Variants in TENM2 observed in about 807,000 individuals in gnomAD.
TENM2 encodes teneurin transmembrane protein 2.
A neutral mutation model predicts 245.2 loss-of-function variants in TENM2; 52 were observed. That is an observed-to-expected ratio of 0.21 (90% CI 0.17 to 0.27). The LOEUF (loss-of-function observed/expected upper bound fraction) is 0.27. TENM2 is among the 10% of genes least tolerant of loss of function. The probability of loss-of-function intolerance (pLI) is 1.00; values close to 1 mark genes in which losing one functional copy is unlikely to be tolerated. For synonymous variants in TENM2, 1,363 were observed against 1,438.9 expected (o/e 0.95, Z 1.19); for missense variants, 3,046 against 3,666.8 (o/e 0.83, Z 4.37).
intron 2 of TENM2, among the ~76,000 whole-genome samples, chr5:167,774,971 T>G (rs910781248): frequency 6.6e-6 from 1 of 152,292 alleles, no homozygotes; most frequent in African/African-American, 2.4e-5. Context: ...GATTTTTTTT[T>G]ATTTTTATTG....
intron 17 of TENM2, among the ~76,000 whole-genome samples, chr5:168,202,160 T>G (rs1359920364): frequency 1.3e-5 from 2 of 152,206 alleles, no homozygotes; most frequent in African/African-American, 4.8e-5. Flanking sequence ...TGTACTTCCT[T>G]CCTCATCTAT....
chr5:168,228,010 C>T, exon 25 of TENM2: 1 of 1,613,832 alleles, frequency 6.2e-7, no homozygotes, highest in Non-Finnish European at 8.5e-7. Flanking sequence ...GCACCATCAC[C>T]CCCACCATTG....
intron 1 of TENM2, among the ~76,000 whole-genome samples, chr5:167,298,975 T>C (rs553480033): frequency 6.6e-6 from 1 of 152,276 alleles, no homozygotes; most frequent in African/African-American, 2.4e-5. Flanking sequence ...GGACTGAGAC[T>C]GGGGCTTAAT....
At position 168,113,851 on chromosome 5, in the gene TENM2, A is replaced by G. The variant is rs114586132; in HGVS notation, c.1814-4441A>G. Among the ~76,000 whole-genome samples the G allele has an allele frequency of 4.8e-3, 734 of 152,316 alleles. 5 individuals carry two copies. Among genetic ancestry groups the G allele is most frequent in the African/African-American group, 0.017 (699 of 41,562 alleles). ...TTAATTAATTTTACATAGAAGCTTG[A>G]ATGCACAATGTTCTGCTCCCGTAAG... On this transcript the variant is annotated intron_variant, in intron 9 of 28. Transcript: ENST00000518659.
At chr5:167,437,649 C>A (rs1189831144) in intron 2 of TENM2, among the ~76,000 whole-genome samples, 1 of 152,156 alleles carries the variant, frequency 6.6e-6, no homozygotes, top group African/African-American at 2.4e-5. Context: ...GTAACTCCCA[C>A]AATTCCCCCA....
intron 2 of TENM2, among the ~76,000 whole-genome samples, chr5:167,844,253 CG>C (rs982022282): frequency 4.2e-4 from 64 of 152,240 alleles, no homozygotes; most frequent in African/African-American, 1.5e-3. Context: ...AGGTCGGCTT[CG>C]ACCTTGATTG....
intron 2 of TENM2, among the ~76,000 whole-genome samples, chr5:167,482,245 T>G (rs1277718574): frequency 2.0e-5 from 3 of 152,196 alleles, no homozygotes; most frequent in Non-Finnish European, 2.9e-5. Flanking sequence ...AATACTTGCA[T>G]ATGTTTGAAA....
At chr5:167,246,220 TAAG>T in the TENM2 span, among the ~76,000 whole-genome samples, 2 of 152,100 alleles carry the variant, frequency 1.3e-5, no homozygotes, top group Non-Finnish European at 2.9e-5. Context: ...AGTTTAGAAC[TAAG>T]AAGAAGAGAG....
intron 2 of TENM2, among the ~76,000 whole-genome samples, chr5:167,469,990 TATAA>T (rs1428597887): frequency 2.0e-5 from 3 of 152,328 alleles, no homozygotes; most frequent in African/African-American, 7.2e-5. Flanking sequence ...ATTTTCCAGA[TATAA>T]CTCACTTCAA....
intron 9 of TENM2, among the ~76,000 whole-genome samples, chr5:168,111,433 A>G (rs1004524193): frequency 1.3e-5 from 2 of 152,064 alleles, no homozygotes; most frequent in African/African-American, 2.4e-5. Context: ...GGACGGTGGC[A>G]GGGGTTGGGG....
intron 3 of TENM2, among the ~76,000 whole-genome samples, chr5:167,928,548 C>A (rs823324): frequency 6.6e-6 from 1 of 151,890 alleles, no homozygotes; most frequent in South Asian, 2.1e-4. Flanking sequence ...TGAAGGAGGG[C>A]GATATGCTTA....
At chr5:167,641,316 C>G (rs1480580245) in intron 2 of TENM2, among the ~76,000 whole-genome samples, 2 of 152,048 alleles carry the variant, frequency 1.3e-5, no homozygotes, top group African/African-American at 4.8e-5. Flanking sequence ...GAGTAGTTAT[C>G]TATAATGAGA....
intron 10 of TENM2, among the ~76,000 whole-genome samples, chr5:168,122,207 C>T (rs544297244): frequency 3.3e-5 from 5 of 152,288 alleles, no homozygotes; most frequent in African/African-American, 9.6e-5. Context: ...GACGGAGTCT[C>T]GCTCTGTCAC....
At chr5:167,477,803 C>T (rs1472611269) in intron 2 of TENM2, among the ~76,000 whole-genome samples, 1 of 149,414 alleles carries the variant, frequency 6.7e-6, no homozygotes. Flanking sequence ...GACAGATAGA[C>T]AGATAGATAA....
the TENM2 span, among the ~76,000 whole-genome samples, chr5:167,143,812 T>C: frequency 2.0e-5 from 3 of 152,230 alleles, no homozygotes; most frequent in South Asian, 6.2e-4. Context: ...GAACTAATTA[T>C]ATCCACATAT....
Position 168,204,357 on chromosome 5 carries a change from C to T in TENM2, c.3575-15C>T. ...GAGGGCTTCAGTAACCCCTCCCATT[C>T]TCCAACCCCCACAGGAATCCTACAC... On this transcript the variant is annotated splice_polypyrimidine_tract_variant and intron_variant, in intron 18 of 28. Coordinates refer to ENST00000518659, the Ensembl canonical transcript of TENM2. 6.2e-7 allele frequency: 1 copy of T among 1,608,510 alleles called. No individual in the cohort carries two copies. The highest frequency in any genetic ancestry group is 8.5e-7 in the Non-Finnish European group (1 of 1,175,928).
chr5:168,252,529 A>G (rs1410066149), intron 27 of TENM2, among the ~76,000 whole-genome samples: 1 of 151,620 alleles, frequency 6.6e-6, no homozygotes, highest in African/African-American at 2.4e-5. Context: ...CTCTCATATT[A>G]GAACCTGAGT....
intron 5 of TENM2, among the ~76,000 whole-genome samples, chr5:168,003,306 A>AACAC (rs70976455): frequency 2.4e-4 from 22 of 90,588 alleles, no homozygotes; most frequent in South Asian, 1.2e-3. Context: ...TTTAAGAAAA[A>AACAC]ACACACACAC....
At chr5:167,257,457 A>G in the TENM2 span, among the ~76,000 whole-genome samples, 2 of 152,112 alleles carry the variant, frequency 1.3e-5, no homozygotes, top group African/African-American at 2.4e-5. Context: ...ATCTTTGGGT[A>G]TATCCTAATT....
Sources: allele counts gnomAD v4.1 joint callset (sites outside exome capture counted in the v4.1 genomes callset), GRCh38; gene constraint gnomAD v4.1.1; transcripts MANE v1.5; gene names NCBI Gene and HGNC (gene_info 2026-07-23, HGNC 2026-07-21).